HS3ST6: variants seen among roughly 807,000 people sequenced by gnomAD.
The protein encoded by HS3ST6 is heparan sulfate glucosamine 3-O-sulfotransferase 6.
HS3ST6 carries 13 observed loss-of-function variants against 11.0 expected under a neutral mutation model. The observed-to-expected ratio is 1.18, with a 90% CI of 0.77 to 1.88. The LOEUF (loss-of-function observed/expected upper bound fraction) is 1.88, where lower values mean the gene tolerates loss of function less well. Among genes scored for constraint, HS3ST6 ranks in the 40% most tolerant of loss-of-function variants. The pLI is 0.00. For synonymous variants in HS3ST6, 232 were observed against 230.6 expected (o/e 1.01, Z -0.06); for missense variants, 541 against 494.4 (o/e 1.09, Z -0.89).
Position 1,918,054 on chromosome 16 carries a change from G to T in HS3ST6, c.270C>A (p.Phe90Leu). ...TCACGCCAACGATGAGCGCTTGCGG[G>T]AAGCGCCGGCGGCCGGGACCGCTGG... is the stretch of plus-strand genomic sequence containing the variant. ...PLASGPGRRR[F>L]PQALIVGVKK... is the part of the protein sequence containing the mutation. The change falls in exon 1 of 2, where the codon TTC (phenylalanine) becomes TTA (leucine). Residue 90 changes from phenylalanine to leucine, a missense_variant. Phe to Leu is a conservative substitution (Grantham distance 22). Transcript: ENST00000454677. This position sits in a 1 kb window ranked among gnomAD's most constrained non-coding sequence, Gnocchi z 6.0. 6.6e-7 allele frequency: 1 copy of T among 1,513,494 alleles called. No individual in the cohort carries two copies. The highest frequency in any genetic ancestry group is 8.8e-7 in the Non-Finnish European group (1 of 1,137,430). 93.8% of individuals were successfully genotyped at this position (1,513,494 alleles called of 1,614,324 possible).
Position 1,918,189 on chromosome 16 carries a change from G to T in HS3ST6, c.135C>A (p.Cys45Ter). 9.2e-7 allele frequency: 1 copy of T among 1,082,624 alleles called. No homozygotes were observed. Among genetic ancestry groups the T allele is most frequent in the Non-Finnish European group, 1.1e-6 (1 of 895,624 alleles). The allele number at this position is 1,082,624 out of a possible 1,614,324, so 67.1% of individuals were successfully genotyped here. ...CCGGCGGGCAGCGGCCGGGGAGGGC[G>T]CAGAGGCAGTAGGCGCCGAGCACCA... Reference protein sequence around the residue: ...VALVLGAYCLCALPGRCPPAA... With the variant: ...VALVLGAYCL The change falls in exon 1 of 2, where the codon TGC becomes TGA. Residue 45 changes from cysteine to a stop codon, truncating the protein, a stop_gained. Transcript: ENST00000454677. LOFTEE classifies it high-confidence loss of function. The surrounding 1 kb of genome is among the most constrained non-coding windows in gnomAD (Gnocchi z 6.0).
chr16:1,914,473 T>C (rs770113779), intron 1 of HS3ST6, among the ~76,000 whole-genome samples: 21 of 152,184 alleles, frequency 1.4e-4, no homozygotes, highest in Admixed American at 1.0e-3. Context: ...ACTGCCTGCT[T>C]TTCCCCTCGG....
chr16:1,914,695 A>C (rs992608539), intron 1 of HS3ST6, among the ~76,000 whole-genome samples: 1 of 152,144 alleles, frequency 6.6e-6, no homozygotes, highest in Non-Finnish European at 1.5e-5. Flanking sequence ...GGAGCTCCGT[A>C]GGGGGATGGG....
Position 1,912,619 on chromosome 16 carries a change from T to G in HS3ST6, c.414-414A>C, listed in dbSNP as rs910199665. Among the ~76,000 whole-genome samples, 5 of 151,942 alleles carry G rather than the reference T, an allele frequency of 3.3e-5. No individual in the cohort carries two copies. The highest frequency in any genetic ancestry group is 6.6e-5 in the Admixed American group (1 of 15,260). ...TAGGCTGCCCCCAGCTCCTTTCTCA[T>G]CCCAGACCAAGTACCCCGAGGCCCG... On this transcript the variant is annotated intron_variant, in intron 1 of 1. Coordinates refer to ENST00000454677, the MANE Select transcript of HS3ST6 (RefSeq NM_001009606.4). The surrounding 1 kb of genome is among the most constrained non-coding windows in gnomAD (Gnocchi z 5.6).
intron 1 of HS3ST6, among the ~76,000 whole-genome samples, chr16:1,916,409 C>T (rs768137774): frequency 2.6e-5 from 4 of 151,784 alleles, no homozygotes; most frequent in Admixed American, 6.6e-5. Flanking sequence ...ACCCTGGGCA[C>T]GTCAGTGTCC....
chr16:1,920,578 G>C (rs150345214), upstream of HS3ST6, among the ~76,000 whole-genome samples: 854 of 152,304 alleles, frequency 5.6e-3, 7 homozygotes, highest in Non-Finnish European at 8.0e-3. Flanking sequence ...TGGCCTTTCC[G>C]CTGCCGTCTC....
intron 1 of HS3ST6, among the ~76,000 whole-genome samples, chr16:1,914,678 G>A (rs1597010445): frequency 6.6e-6 from 1 of 152,190 alleles, no homozygotes; most frequent in East Asian, 1.9e-4. Context: ...TCTCCAAAGA[G>A]TCAGAGGGAG....
At position 1,918,158 on chromosome 16, in the gene HS3ST6, G is replaced by A. The variant is rs1330561081; in HGVS notation, c.166C>T (p.Arg56Cys). Residue 56 changes from arginine to cysteine, a missense_variant, in exon 1 of 2, where the codon CGC becomes TGC. Physicochemically the swap from Arg to Cys is radical, Grantham distance 180. Transcript: ENST00000454677. The surrounding 1 kb of genome is among the most constrained non-coding windows in gnomAD (Gnocchi z 6.0). Reference protein sequence around the residue: ...ALPGRCPPAARAPAPAPAPSE... With the variant: ...ALPGRCPPAACAPAPAPAPSE... ...GGCGCGGGGGCCGGCGCGGGGGCGC[G>A]GGCGGCCGGCGGGCAGCGGCCGGGG... 1 of 1,152,740 alleles carries A rather than the reference G, an allele frequency of 8.7e-7. No homozygotes were observed. Among genetic ancestry groups the A allele is most frequent in the African/African-American group, 1.6e-5 (1 of 61,074 alleles). 71.4% of individuals were successfully genotyped at this position (1,152,740 alleles called of 1,614,324 possible).
At chr16:1,920,193 A>C (rs796718159), upstream of HS3ST6, among the ~76,000 whole-genome samples, 1,924 of 41,732 alleles carry the variant, frequency 0.046, 54 homozygotes, top group East Asian at 0.089. Flanking sequence ...CGGTCTCAGC[A>C]GTCCCCACGG....
Position 1,911,514 on chromosome 16 carries a change from C to A in HS3ST6, c.*76G>T. 1.4e-6 allele frequency: 2 copies of A among 1,422,088 alleles called. No individual in the cohort carries two copies. The allele number at this position is 1,422,088 out of a possible 1,614,324, so 88.1% of individuals were successfully genotyped here. On this transcript the variant is annotated 3_prime_UTR_variant, in exon 2 of 2. Transcript: ENST00000454677. ...TTATTTCTTAAATATTCCTCTCTGC[C>A]CAGCATGTGCACGCAGCCCGCTCTG...
chr16:1,918,188 C>T lies in HS3ST6; in HGVS notation c.136G>A (p.Ala46Thr). 9.2e-7 allele frequency: 1 copy of T among 1,083,864 alleles called. No individual in the cohort carries two copies. Among genetic ancestry groups the T allele is most frequent in the African/African-American group, 1.7e-5 (1 of 59,326 alleles). The allele number at this position is 1,083,864 out of a possible 1,614,324, so 67.1% of individuals were successfully genotyped here. The change falls in exon 1 of 2, where the codon GCC becomes ACC. Residue 46 changes from alanine (A) to threonine (T), a missense_variant. Physicochemically the swap from Ala to Thr is moderately conservative, Grantham distance 58 (BLOSUM62 0). Coordinates refer to ENST00000454677, the MANE Select transcript of HS3ST6 (RefSeq NM_001009606.4). The surrounding 1 kb of genome is among the most constrained non-coding windows in gnomAD (Gnocchi z 6.0). The stretch of plus-strand genomic sequence containing the variant: ...GCCGGCGGGCAGCGGCCGGGGAGGG[C>T]GCAGAGGCAGTAGGCGCCGAGCACC... ...ALVLGAYCLC[A>T]LPGRCPPAAR...
chr16:1,911,981 A>G lies in HS3ST6; in HGVS notation c.638T>C (p.Leu213Pro). The change falls in exon 2 of 2, where the codon CTG becomes CCG. Residue 213 changes from leucine (L) to proline (P), a missense_variant. Coordinates refer to ENST00000454677, the MANE Select transcript of HS3ST6 (RefSeq NM_001009606.4). ...SFRALAFRHG[L>P]GPVDTAWSAV... The stretch of plus-strand genomic sequence containing the variant: ...GCTCCAGGCTGTGTCCACGGGGCCC[A>G]GGCCGTGGCGGAAGGCCAGGGCGCG... The G allele has an allele frequency of 1.9e-6, 3 of 1,545,032 alleles. No homozygotes were observed. Among genetic ancestry groups the G allele is most frequent in the Non-Finnish European group, 2.6e-6 (3 of 1,146,074 alleles).
At position 1,918,111 on chromosome 16, in the gene HS3ST6, G is replaced by A; in HGVS notation, c.213C>T (p.Val71=). The part of the protein sequence containing the change: ...APAPSEPSSS[V]HRPGAPGLPL... Reference sequence around the variant, plus strand: ...GCAGGCCGGGTGCTCCCGGGCGGTGGACGGAGCTGGACGGCTCGGAGGGCG... The same window carrying A: ...GCAGGCCGGGTGCTCCCGGGCGGTGAACGGAGCTGGACGGCTCGGAGGGCG... Residue 71 remains valine, a synonymous_variant, in exon 1 of 2, where the codon GTC becomes GTT. Transcript: ENST00000454677. The surrounding 1 kb of genome is among the most constrained non-coding windows in gnomAD (Gnocchi z 6.0). The A allele has an allele frequency of 7.8e-7, 1 of 1,285,140 alleles. No individual in the cohort carries two copies. Among genetic ancestry groups the A allele is most frequent in the Non-Finnish European group, 9.9e-7 (1 of 1,014,936 alleles). The allele number at this position is 1,285,140 out of a possible 1,614,324, so 79.6% of individuals were successfully genotyped here. A position where few individuals can be genotyped will look rare whatever the true frequency, so the allele number is the denominator to read the frequency against.
chr16:1,912,087 C>T lies in HS3ST6; in HGVS notation c.532G>A (p.Val178Met), dbSNP rs751807613. 6 of 1,509,348 alleles carry T rather than the reference C, an allele frequency of 4.0e-6. No homozygotes were observed. In the South Asian group the frequency reaches 6.8e-5, roughly 17 times the overall value. The allele number at this position is 1,509,348 out of a possible 1,614,324, so 93.5% of individuals were successfully genotyped here. A position where few individuals can be genotyped will look rare whatever the true frequency, so the allele number is the denominator to read the frequency against. Residue 178 changes from valine to methionine, a missense_variant, in exon 2 of 2, where the codon GTG (valine) becomes ATG (methionine). Coordinates refer to ENST00000454677, the MANE Select transcript of HS3ST6 (RefSeq NM_001009606.4). The surrounding 1 kb of genome is among the most constrained non-coding windows in gnomAD (Gnocchi z 5.6). ...CGGGTCACGGGGTTCCGCACCACCA[C>T]GATCAGCTTCGTGTCCGGGGACATG... ...HAMSPDTKLI[V>M]VVRNPVTRAI...
At chr16:1,915,152 G>A (rs374977800) in intron 1 of HS3ST6, among the ~76,000 whole-genome samples, 118 of 152,320 alleles carry the variant, frequency 7.7e-4, no homozygotes, top group African/African-American at 2.5e-3. Context: ...ACAGGAGACC[G>A]GGTTCTTCCC....
chr16:1,919,836 G>A (rs898787622), upstream of HS3ST6, among the ~76,000 whole-genome samples: 2 of 152,260 alleles, frequency 1.3e-5, no homozygotes, highest in Non-Finnish European at 2.9e-5. Flanking sequence ...ATCTGGGCAA[G>A]CCTCTGCAGG....
chr16:1,914,068 C>A (rs770201875), intron 1 of HS3ST6, among the ~76,000 whole-genome samples: 40 of 152,176 alleles, frequency 2.6e-4, no homozygotes, highest in South Asian at 6.2e-4. Flanking sequence ...CCACCCACTG[C>A]CACTTCAGAA....
chr16:1,912,837 G>A lies in HS3ST6; in HGVS notation c.414-632C>T, dbSNP rs2082900250. Among the ~76,000 whole-genome samples the A allele has an allele frequency of 6.6e-6, 1 of 152,124 alleles. No individual in the cohort carries two copies. The highest frequency in any genetic ancestry group is 1.5e-5 in the Non-Finnish European group (1 of 68,030). ...GACGGAGTCTTGCTCTGTCACCCAG[G>A]CTGGAGTGTAGTGGTGCAATCTCGG... On this transcript the variant is annotated intron_variant, in intron 1 of 1. Coordinates refer to ENST00000454677, the MANE Select transcript of HS3ST6 (RefSeq NM_001009606.4). The surrounding 1 kb of genome is among the most constrained non-coding windows in gnomAD (Gnocchi z 5.6).
upstream of HS3ST6, among the ~76,000 whole-genome samples, chr16:1,918,760 C>A (rs1450873487): frequency 2.0e-5 from 3 of 152,178 alleles, no homozygotes; most frequent in African/African-American, 4.8e-5. This position sits in a 1 kb window ranked among gnomAD's most constrained non-coding sequence, Gnocchi z 6.0. Context: ...CTTCCCCCCC[C>A]ACCCCACTCC....
Sources: allele counts gnomAD v4.1 joint callset (sites outside exome capture counted in the v4.1 genomes callset), GRCh38; gene constraint gnomAD v4.1.1; non-coding constraint Gnocchi (gnomAD v3.1); transcripts MANE v1.5; gene names NCBI Gene and HGNC (gene_info 2026-07-23, HGNC 2026-07-21).